The following CPB1 variants were observed in gnomAD, a reference collection of about 807,000 sequenced individuals.
CPB1 encodes the protein carboxypeptidase B1.
A neutral mutation model predicts 51.4 loss-of-function variants in CPB1; 53 were observed. The observed-to-expected ratio is 1.03, with a 90% CI of 0.83 to 1.30. The LOEUF (loss-of-function observed/expected upper bound fraction) is 1.30, where lower values mean the gene tolerates loss of function less well. Among genes scored for constraint, CPB1 ranks in the 50% most tolerant of loss-of-function variants. The pLI is 0.00. For missense variants in CPB1, 494 were observed against 516.2 expected (o/e 0.96, Z 0.42); for synonymous variants, 189 against 186.9 (o/e 1.01, Z -0.09).
intron 3 of CPB1, among the ~76,000 whole-genome samples, chr3:148,837,146 C>G (rs749174628): frequency 2.6e-5 from 4 of 152,128 alleles, no homozygotes; most frequent in Non-Finnish European, 5.9e-5. Context: ...TTGACAGAAC[C>G]TTTAGGTGGC....
chr3:148,846,752 TATAC>T (rs879923656), intron 9 of CPB1, among the ~76,000 whole-genome samples: 10 of 434 alleles, frequency 0.023, no homozygotes, highest in South Asian at 0.094. Context: ...TATATATATA[TATAC>T]ATATATATAT....
intron 9 of CPB1, among the ~76,000 whole-genome samples, chr3:148,853,205 A>G (rs2108020763): frequency 6.6e-6 from 1 of 152,284 alleles, no homozygotes; most frequent in African/African-American, 2.4e-5. Flanking sequence ...TTTATACCTT[A>G]TAGTTGGTTT....
intron 8 of CPB1, among the ~76,000 whole-genome samples, chr3:148,845,222 A>G (rs1713198272): frequency 6.6e-6 from 1 of 152,136 alleles, no homozygotes; most frequent in Non-Finnish European, 1.5e-5. Context: ...GCAACTTCTT[A>G]CCAGGTTAGC....
In CPB1 at chr3:148,845,587, C is replaced by T. The variant is rs767292387; in HGVS notation, c.942C>T (p.Tyr314=). The change falls in exon 9 of 11, where the codon TAC becomes TAT. Residue 314 remains tyrosine, a synonymous_variant. Transcript: ENST00000282957. Reference sequence around the variant, plus strand: ...ACTCCCAAATGATGATCTACCCTTACTCATATGCTTACAAACTCGGTGAGA... The same window carrying T: ...ACTCCCAAATGATGATCTACCCTTATTCATATGCTTACAAACTCGGTGAGA... ...HSYSQMMIYP[Y]SYAYKLGENN... is the part of the protein sequence containing the mutation. The T allele has an allele frequency of 6.2e-7, 1 of 1,613,858 alleles. No homozygotes were observed. Among genetic ancestry groups the T allele is most frequent in the Non-Finnish European group, 8.5e-7 (1 of 1,179,812 alleles).
intron 2 of CPB1, among the ~76,000 whole-genome samples, chr3:148,828,602 T>C (rs1712641214): frequency 6.6e-6 from 1 of 152,194 alleles, no homozygotes; most frequent in African/African-American, 2.4e-5. Flanking sequence ...TACTTTTCTT[T>C]TGCTTTCAAA....
chr3:148,843,103 G>C (rs1251931999), intron 6 of CPB1, among the ~76,000 whole-genome samples: 1 of 152,084 alleles, frequency 6.6e-6, no homozygotes, highest in African/African-American at 2.4e-5. Context: ...GACAAATAAA[G>C]GCAATGTAGG....
At chr3:148,840,568 G>A in intron 3 of CPB1, 118 bp from the exon 4 acceptor site, 1 of 808,694 alleles carries the variant, frequency 1.2e-6, no homozygotes, top group South Asian at 1.5e-5. Flanking sequence ...GACAACATGA[G>A]AATTTATGGA....
At chr3:148,859,703 A>T in intron 10 of CPB1, 112 bp from the exon 11 acceptor site, 1 of 1,052,438 alleles carries the variant, frequency 9.5e-7, no homozygotes, top group Non-Finnish European at 1.3e-6. Context: ...AAATTGGCCT[A>T]CTCAAAATAT....
chr3:148,836,465 T>A (rs890190719), intron 3 of CPB1, among the ~76,000 whole-genome samples: 6 of 152,202 alleles, frequency 3.9e-5, no homozygotes, highest in Non-Finnish European at 5.9e-5. Flanking sequence ...TCAGCGACCA[T>A]AGATTAACCC....
intron 3 of CPB1, 29 bp from the exon 4 acceptor site, chr3:148,840,657 A>T (rs1172501954): frequency 6.2e-7 from 1 of 1,600,424 alleles, no homozygotes; most frequent in Non-Finnish European, 8.6e-7. Flanking sequence ...ACTTATGTTC[A>T]TAGGAACACC....
intron 9 of CPB1, 121 bp from the exon 10 acceptor site, chr3:148,857,336 G>A: frequency 1.5e-6 from 1 of 683,460 alleles, no homozygotes. Flanking sequence ...TCCTGAATAA[G>A]CATATAATAC....
At chr3:148,848,618 A>G (rs951387609) in intron 9 of CPB1, among the ~76,000 whole-genome samples, 10 of 152,212 alleles carry the variant, frequency 6.6e-5, no homozygotes. Flanking sequence ...AACTTAGGAC[A>G]TCCTATAAAC....
intron 9 of CPB1, chr3:148,856,781 G>A (rs1713576876): frequency 6.6e-6 from 1 of 152,100 alleles, no homozygotes; most frequent in African/African-American, 2.4e-5. Context: ...TAAGAAAAAA[G>A]ATTACACGTA....
At chr3:148,846,795 G>GTGTA (rs1559960150) in intron 9 of CPB1, among the ~76,000 whole-genome samples, 10 of 40,470 alleles carry the variant, frequency 2.5e-4, no homozygotes, top group South Asian at 7.3e-4. Context: ...GTGTGTGCGT[G>GTGTA]TGTATATATA....
At chr3:148,848,308 C>T (rs952373470) in intron 9 of CPB1, among the ~76,000 whole-genome samples, 3 of 152,034 alleles carry the variant, frequency 2.0e-5, no homozygotes, top group Non-Finnish European at 2.9e-5. Flanking sequence ...GTTAATTTTG[C>T]ACCCAAATCT....
At chr3:148,841,994 TAG>T in intron 6 of CPB1, 70 bp downstream of exon 6, 1 of 1,169,272 alleles carries the variant, frequency 8.6e-7, no homozygotes. Context: ...CCTTAAAACC[TAG>T]AGAGAATAAT....
rs1361757360 is a variant in CPB1 at position 148,860,117 on chromosome 3, T to C, written c.*115T>C. 1 of 970,320 alleles carries C rather than the reference T, an allele frequency of 1.0e-6. No individual in the cohort carries two copies. The highest frequency in any genetic ancestry group is 2.4e-5 in the East Asian group (1 of 40,890). 60.1% of individuals were successfully genotyped at this position (970,320 alleles called of 1,614,324 possible). On this transcript the variant is annotated 3_prime_UTR_variant, in exon 11 of 11. Coordinates refer to ENST00000282957, the MANE Select transcript of CPB1 (RefSeq NM_001871.3). ...CAGATCCCAATCTTTCTTTTAAGCT[T>C]CTGGGTCTATTAAACTAGGTAGATC...
At chr3:148,828,791 C>G (rs1712646867) in intron 2 of CPB1, among the ~76,000 whole-genome samples, 1 of 152,144 alleles carries the variant, frequency 6.6e-6, no homozygotes, top group South Asian at 2.1e-4. Context: ...AGCTTATACA[C>G]ACACACACAC....
chr3:148,845,606 G>A lies in CPB1; in HGVS notation c.961G>A (p.Gly321Ser), dbSNP rs756976312. 15 of 1,613,270 alleles carry A rather than the reference G, an allele frequency of 9.3e-6. No homozygotes were observed. In the East Asian group the frequency reaches 1.1e-4, roughly 12 times the overall value. ...CCCTTACTCATATGCTTACAAACTC[G>A]GTGAGAACAATGCTGAGTTGGTAAG... ...IYPYSYAYKL[G>S]ENNAELNALA... Residue 321 changes from glycine (G) to serine (S), a missense_variant, in exon 9 of 11, where the codon GGT (glycine) becomes AGT (serine). Transcript: ENST00000282957.
Sources: gnomAD v4.1 joint callset for allele counts (sites outside exome capture counted in the v4.1 genomes callset) on GRCh38, gnomAD v4.1.1 for gene constraint, MANE v1.5 for transcripts, NCBI Gene and HGNC (gene_info 2026-07-23, HGNC 2026-07-21) for gene names.